CRPPA: variants seen among roughly 807,000 people sequenced by gnomAD.
The protein encoded by CRPPA is CDP-L-ribitol pyrophosphorylase A, also known as D-ribitol-5-phosphate cytidylyltransferase.
CRPPA carries 43 observed loss-of-function variants against 52.0 expected under a neutral mutation model. The observed-to-expected ratio is 0.83, with a 90% CI of 0.65 to 1.07. The LOEUF (loss-of-function observed/expected upper bound fraction) is 1.07, where lower values mean the gene tolerates loss of function less well. Among genes scored for constraint, CRPPA ranks in the 50% least tolerant of loss-of-function variants. The pLI is 0.00. For missense variants in CRPPA, 629 were observed against 551.7 expected (o/e 1.14, Z -1.40); for synonymous variants, 250 against 203.5 (o/e 1.23, Z -1.94).
At chr7:16,210,368 G>A (rs544238627) in intron 9 of CRPPA, 1 of 152,290 alleles carries the variant, frequency 6.6e-6, no homozygotes, top group African/African-American at 2.4e-5. Flanking sequence ...CTGAGTGTGG[G>A]TGGAGCATAG....
chr7:16,215,715 T>G (rs547718974), intron 9 of CRPPA, among the ~76,000 whole-genome samples: 6 of 152,192 alleles, frequency 3.9e-5, no homozygotes, highest in Admixed American at 1.3e-4. Flanking sequence ...TTTATTAGAT[T>G]TGAAATTCAA....
At chr7:16,254,573 C>T (rs999356442) in intron 8 of CRPPA, among the ~76,000 whole-genome samples, 1 of 151,830 alleles carries the variant, frequency 6.6e-6, no homozygotes, top group Non-Finnish European at 1.5e-5. Flanking sequence ...GAACATCAAA[C>T]ATGGGGGCCT....
chr7:16,270,878 G>A (rs371737239), intron 6 of CRPPA, among the ~76,000 whole-genome samples: 3 of 151,918 alleles, frequency 2.0e-5, no homozygotes, highest in Admixed American at 6.6e-5. Flanking sequence ...TGTTCTCTCC[G>A]CTTTTCTTTA....
At chr7:16,144,725 T>C (rs1782939744) in intron 9 of CRPPA, among the ~76,000 whole-genome samples, 1 of 152,144 alleles carries the variant, frequency 6.6e-6, no homozygotes, top group African/African-American at 2.4e-5. Context: ...ATTAAATCTG[T>C]ACTAAATAAA....
chr7:16,401,319 T>A (rs1295628536), intron 2 of CRPPA, among the ~76,000 whole-genome samples: 6 of 152,222 alleles, frequency 3.9e-5, no homozygotes, highest in African/African-American at 1.4e-4. Context: ...TTCAACAGAC[T>A]GAAATGCACT....
chr7:16,115,821 A>G (rs1782359223), intron 9 of CRPPA, among the ~76,000 whole-genome samples: 1 of 152,244 alleles, frequency 6.6e-6, no homozygotes. Flanking sequence ...AGTATGGAAC[A>G]GAATCCATAA....
At chr7:16,209,751 C>T (rs916133073) in intron 9 of CRPPA, among the ~76,000 whole-genome samples, 7 of 152,274 alleles carry the variant, frequency 4.6e-5, no homozygotes, top group Middle Eastern at 3.4e-3. Context: ...TAAGAACACG[C>T]TACTAAACAA....
intron 9 of CRPPA, among the ~76,000 whole-genome samples, chr7:16,168,781 C>A (rs936979030): frequency 3.9e-5 from 6 of 152,172 alleles, no homozygotes; most frequent in African/African-American, 1.4e-4. Flanking sequence ...TTAACAAATA[C>A]ACATGCTAAA....
rs1181615646 is a variant in CRPPA at position 16,217,801 on chromosome 7, A to G, written c.1120-1604T>C. On this transcript the variant is annotated intron_variant, in intron 8 of 9. Transcript: ENST00000407010. ...AAATATGGGACTATGTGAAAAGACC[A>G]AATCTACGTCTGATTGGTGTACCTG... is the stretch of plus-strand genomic sequence containing the variant. Among the ~76,000 whole-genome samples, 23 of 151,432 alleles carry G rather than the reference A, an allele frequency of 1.5e-4. No individual in the cohort carries two copies. In the South Asian group the frequency reaches 3.1e-3, roughly 21 times the overall value.
At chr7:16,267,517 T>C (rs1783985696) in intron 6 of CRPPA, among the ~76,000 whole-genome samples, 3 of 152,162 alleles carry the variant, frequency 2.0e-5, no homozygotes, top group Admixed American at 6.5e-5. Flanking sequence ...TCATTTTGAG[T>C]AGATATTTAC....
chr7:16,258,667 T>C (rs1430584666), intron 7 of CRPPA, among the ~76,000 whole-genome samples, 185 bp from the exon 8 acceptor site: 1 of 152,056 alleles, frequency 6.6e-6, no homozygotes, highest in African/African-American at 2.4e-5. Flanking sequence ...ATCTACTAAT[T>C]GAGTCAAACC....
chr7:16,378,700 T>G (rs1282176397), intron 2 of CRPPA, among the ~76,000 whole-genome samples: 1 of 150,300 alleles, frequency 6.7e-6, no homozygotes, highest in Non-Finnish European at 1.5e-5. Flanking sequence ...ACTTCCACAA[T>G]GGTTGAACTA....
At chr7:16,235,963 T>A (rs1284517246) in intron 8 of CRPPA, 1 of 152,060 alleles carries the variant, frequency 6.6e-6, no homozygotes, top group Non-Finnish European at 1.5e-5. Context: ...CGGTGACTCA[T>A]CATTTCAAGC....
At chr7:16,217,889 T>G (rs868495646) in intron 8 of CRPPA, among the ~76,000 whole-genome samples, 1 of 151,938 alleles carries the variant, frequency 6.6e-6, no homozygotes, top group Non-Finnish European at 1.5e-5. Flanking sequence ...CCAGGAGAAT[T>G]TCCCCAATCT....
At chr7:16,380,130 C>T (rs1172531086) in intron 2 of CRPPA, among the ~76,000 whole-genome samples, 2 of 150,552 alleles carry the variant, frequency 1.3e-5, no homozygotes, top group Non-Finnish European at 3.0e-5. Context: ...GTGGGTTTGT[C>T]AAAGACAGCT....
chr7:16,193,707 T>C (rs924582899), intron 9 of CRPPA, among the ~76,000 whole-genome samples: 22 of 152,184 alleles, frequency 1.4e-4, no homozygotes, highest in African/African-American at 5.1e-4. Flanking sequence ...TAGGTATGTA[T>C]ACACACACTC....
chr7:16,398,635 G>A (rs1230577384), intron 2 of CRPPA, among the ~76,000 whole-genome samples: 1 of 152,110 alleles, frequency 6.6e-6, no homozygotes, highest in African/African-American at 2.4e-5. Flanking sequence ...TGACTGACAC[G>A]TGACAAACAT....
chr7:16,215,844 A>T (rs750559295), intron 9 of CRPPA, among the ~76,000 whole-genome samples: 2 of 152,200 alleles, frequency 1.3e-5, no homozygotes, highest in Non-Finnish European at 2.9e-5. Flanking sequence ...ACCTAATATG[A>T]GATGTTTGCT....
chr7:16,146,965 G>A (rs955160464), intron 9 of CRPPA, among the ~76,000 whole-genome samples: 6 of 152,116 alleles, frequency 3.9e-5, no homozygotes, highest in Admixed American at 1.3e-4. Flanking sequence ...AAAAGACATA[G>A]GGGCTACACA....
Sources: gnomAD v4.1 joint callset for allele counts (sites outside exome capture counted in the v4.1 genomes callset) on GRCh38, gnomAD v4.1.1 for gene constraint, MANE v1.5 for transcripts, NCBI Gene and HGNC (gene_info 2026-07-23, HGNC 2026-07-21) for gene names.